The following ROBO2 variants were observed in gnomAD, a reference collection of about 807,000 sequenced individuals.
The protein encoded by ROBO2 is roundabout homolog 2.
ROBO2 carries 53 observed loss-of-function variants against 160.8 expected under a neutral mutation model. That is an observed-to-expected ratio of 0.33 (90% CI 0.26 to 0.41). The LOEUF is 0.41. Among genes scored for constraint, ROBO2 ranks in the 10% least tolerant of loss-of-function variants. ROBO2 has a pLI of 1.00. For synonymous variants in ROBO2, 664 were observed against 611.7 expected (o/e 1.09, Z -1.26); for missense variants, 1,577 against 1,722.4 (o/e 0.92, Z 1.49).
At chr3:76,120,262 A>G (rs916062259) in intron 2 of ROBO2, among the ~76,000 whole-genome samples, 3 of 152,210 alleles carry the variant, frequency 2.0e-5, no homozygotes, top group African/African-American at 7.2e-5. Flanking sequence ...TCGGCCTTCC[A>G]AAGTGCTGGG....
rs75148981 is a variant in ROBO2 at position 77,340,853 on chromosome 3, A to G, written c.389-136561A>G. 6.9e-3 allele frequency among the ~76,000 whole-genome samples: 1,048 copies of G among 152,206 alleles called. 16 individuals are homozygous for G. Among genetic ancestry groups the G allele is most frequent in the African/African-American group, 0.024 (984 of 41,526 alleles). ...CTTGATACAGAATAATTAGCTAACA[A>G]TTTTCCTGATCTCAAAGATACTAGG... On this transcript the variant is annotated intron_variant, in intron 2 of 25. Coordinates refer to ENST00000461745, the Ensembl canonical transcript of ROBO2.
chr3:77,021,412 T>G (rs1340566193), intron 2 of ROBO2, among the ~76,000 whole-genome samples: 3 of 152,044 alleles, frequency 2.0e-5, no homozygotes, highest in African/African-American at 7.2e-5. Context: ...AGAATCTCTC[T>G]CCCTCAAAGT....
chr3:76,368,755 G>A (rs1376224848), intron 2 of ROBO2, among the ~76,000 whole-genome samples: 1 of 151,856 alleles, frequency 6.6e-6, no homozygotes, highest in African/African-American at 2.4e-5. Flanking sequence ...TCAGGACGTG[G>A]GATCTATGTT....
In ROBO2 at chr3:76,328,859, AAAAC is replaced by A. The variant is rs1290031529; in HGVS notation, c.109+391273_109+391276del. 6.9e-3 allele frequency among the ~76,000 whole-genome samples: 1,007 copies of A among 146,886 alleles called. 9 individuals carry two copies. Among genetic ancestry groups the A allele is most frequent in the African/African-American group, 9.3e-3 (370 of 39,908 alleles). The stretch of plus-strand genomic sequence containing the variant: ...GGGCGACAGAGCGAGACTCCGTCTC[AAAAC>A]AAACAAACAAACAAAAACAAATATA... On this transcript the variant is annotated intron_variant, in intron 2 of 26. Coordinates refer to the ROBO2 transcript ENST00000487694.
At chr3:76,028,587 G>A (rs1416840292) in intron 2 of ROBO2, among the ~76,000 whole-genome samples, 1 of 151,870 alleles carries the variant, frequency 6.6e-6, no homozygotes, top group Non-Finnish European at 1.5e-5. Context: ...ACTAGGGCAT[G>A]CATTAAAGAA....
intron 5 of ROBO2, among the ~76,000 whole-genome samples, chr3:77,499,116 A>G (rs977779672): frequency 2.0e-5 from 3 of 152,232 alleles, no homozygotes; most frequent in South Asian, 4.1e-4. Flanking sequence ...ACAAATTACA[A>G]TAACATACAA....
intron 2 of ROBO2, among the ~76,000 whole-genome samples, chr3:77,103,653 C>G (rs2072369233): frequency 6.6e-6 from 1 of 152,070 alleles, no homozygotes; most frequent in African/African-American, 2.4e-5. Flanking sequence ...TGTATGAAGA[C>G]TCATGCTGTA....
At position 76,939,251 on chromosome 3, in the gene ROBO2, G is replaced by A. The variant is rs543977516; in HGVS notation, c.110-158763G>A. ...TACTTTTCCACTCACTTTTCTTGAG[G>A]TTATTTAGCTATTTCTTGATAAATC... On this transcript the variant is annotated intron_variant, in intron 2 of 26. Transcript: ENST00000487694. Among the ~76,000 whole-genome samples the A allele has an allele frequency of 1.1e-4, 17 of 152,234 alleles. No individual in the cohort carries two copies. The South Asian group carries it at 3.3e-3, about 30-fold the overall frequency.
At chr3:76,389,261 T>TC (rs1271882830) in intron 2 of ROBO2, among the ~76,000 whole-genome samples, 1 of 152,212 alleles carries the variant, frequency 6.6e-6, no homozygotes, top group Admixed American at 6.5e-5. Context: ...CCTCAAGAGC[T>TC]CCCTTCAGGG....
intron 2 of ROBO2, among the ~76,000 whole-genome samples, chr3:77,315,859 T>C (rs948061131): frequency 3.3e-5 from 5 of 151,936 alleles, no homozygotes; most frequent in South Asian, 2.1e-4. Context: ...AGAGCCAGGG[T>C]TTTTTGCTTG....
intron 2 of ROBO2, among the ~76,000 whole-genome samples, chr3:76,816,087 T>G (rs2109056936): frequency 6.6e-6 from 1 of 152,214 alleles, no homozygotes; most frequent in Admixed American, 6.6e-5. Flanking sequence ...CAGAGAAGAT[T>G]TTAAATTGCG....
At chr3:76,610,175 T>A (rs2087981763) in intron 2 of ROBO2, among the ~76,000 whole-genome samples, 2 of 152,194 alleles carry the variant, frequency 1.3e-5, no homozygotes, top group South Asian at 4.1e-4. Flanking sequence ...CACTGATGTG[T>A]CTTTGTCTGG....
chr3:77,597,764 TAA>T (rs775676369), intron 19 of ROBO2, among the ~76,000 whole-genome samples: 1 of 151,990 alleles, frequency 6.6e-6, no homozygotes, highest in African/African-American at 2.4e-5. Context: ...GTTCCACAAA[TAA>T]AAGAGACATT....
At chr3:76,556,617 T>G (rs2083808542) in intron 2 of ROBO2, among the ~76,000 whole-genome samples, 1 of 152,302 alleles carries the variant, frequency 6.6e-6, no homozygotes, top group African/African-American at 2.4e-5. Flanking sequence ...TTTTGTGAAT[T>G]TATTCATTTC....
intron 2 of ROBO2, among the ~76,000 whole-genome samples, chr3:77,152,504 A>G (rs2077630178): frequency 6.6e-6 from 1 of 152,210 alleles, no homozygotes; most frequent in Non-Finnish European, 1.5e-5. Context: ...TGGCCACCAT[A>G]CTGGATAGTG....
chr3:77,613,766 G>C (rs1459835622), intron 21 of ROBO2, among the ~76,000 whole-genome samples: 1 of 152,012 alleles, frequency 6.6e-6, no homozygotes, highest in Non-Finnish European at 1.5e-5. Context: ...TTGAGGAAAA[G>C]GTATTATAAA....
chr3:77,584,730 G>A (rs927131125), intron 16 of ROBO2, among the ~76,000 whole-genome samples: 1 of 151,360 alleles, frequency 6.6e-6, no homozygotes, highest in African/African-American at 2.4e-5. Context: ...TTAACCTGAG[G>A]GAAACCTACA....
At chr3:76,552,054 C>T (rs981273483) in intron 2 of ROBO2, among the ~76,000 whole-genome samples, 16 of 152,156 alleles carry the variant, frequency 1.1e-4, no homozygotes, top group South Asian at 2.1e-4. Flanking sequence ...CCGGCTGGCA[C>T]GGCAACACCC....
At chr3:77,505,398 T>C (rs747783970) in intron 5 of ROBO2, among the ~76,000 whole-genome samples, 1 of 152,112 alleles carries the variant, frequency 6.6e-6, no homozygotes, top group Non-Finnish European at 1.5e-5. Flanking sequence ...AATTAAAAAT[T>C]AATGCTGAGA....
Sources: allele counts gnomAD v4.1 joint callset (sites outside exome capture counted in the v4.1 genomes callset), GRCh38; gene constraint gnomAD v4.1.1; transcripts MANE v1.5; gene names NCBI Gene and HGNC (gene_info 2026-07-23, HGNC 2026-07-21).